Variants in CSMD3 observed in about 807,000 individuals in gnomAD.
CSMD3 encodes the protein CUB and Sushi multiple domains 3, also known as CUB and sushi domain-containing protein 3.
Under a neutral mutation model 435.2 loss-of-function variants are expected in CSMD3, and 177 were observed. The ratio of observed to expected loss-of-function variants is 0.41; its 90% CI spans 0.36 to 0.46. CSMD3 has a LOEUF of 0.46. CSMD3 is among the 20% of genes least tolerant of loss of function. CSMD3 has a pLI of 0.34. For missense variants in CSMD3, 4,265 were observed against 4,504.6 expected (o/e 0.95, Z 1.52); for synonymous variants, 1,656 against 1,520.5 (o/e 1.09, Z -2.07).
intron 13 of CSMD3, among the ~76,000 whole-genome samples, chr8:112,736,413 C>A (rs930424067): frequency 2.0e-5 from 3 of 151,972 alleles, no homozygotes; most frequent in African/African-American, 7.2e-5. Flanking sequence ...ACAATGGGTT[C>A]CTGTTCTGGT....
chr8:113,270,601 T>A (rs1225789189), intron 3 of CSMD3, among the ~76,000 whole-genome samples: 1 of 151,956 alleles, frequency 6.6e-6, no homozygotes, highest in Non-Finnish European at 1.5e-5. Flanking sequence ...ATAGACTGGA[T>A]TAAGAAAATG....
At chr8:112,609,379 A>T (rs1586799601) in intron 22 of CSMD3, among the ~76,000 whole-genome samples, 2 of 152,206 alleles carry the variant, frequency 1.3e-5, no homozygotes, top group Non-Finnish European at 2.9e-5. Flanking sequence ...GTCTCCAAAG[A>T]AGACATACAA....
At chr8:113,391,928 GCTTA>G (rs1028970211) in intron 1 of CSMD3, among the ~76,000 whole-genome samples, 2 of 151,968 alleles carry the variant, frequency 1.3e-5, no homozygotes, top group African/African-American at 4.8e-5. Context: ...CATGTAGTGT[GCTTA>G]CTAAGTGTGG....
intron 4 of CSMD3, among the ~76,000 whole-genome samples, chr8:113,168,511 C>G (rs1270480679): frequency 3.9e-5 from 2 of 51,662 alleles, no homozygotes; most frequent in Non-Finnish European, 6.6e-5. Context: ...CAGAGCAAGA[C>G]TCTGTCTCAA....
intron 9 of CSMD3, among the ~76,000 whole-genome samples, chr8:112,946,531 G>T (rs769188561): frequency 4.6e-5 from 7 of 151,270 alleles, no homozygotes; most frequent in Non-Finnish European, 8.9e-5. Flanking sequence ...TAAAATGTAG[G>T]GATAAAATAG....
chr8:113,371,774 C>A (rs1203859219), intron 1 of CSMD3, among the ~76,000 whole-genome samples: 2 of 151,996 alleles, frequency 1.3e-5, no homozygotes, highest in African/African-American at 4.8e-5. Flanking sequence ...CACTCAGATT[C>A]CTAAGAGATC....
At chr8:112,910,451 T>C (rs887423905) in intron 10 of CSMD3, among the ~76,000 whole-genome samples, 6 of 151,814 alleles carry the variant, frequency 4.0e-5, no homozygotes, top group African/African-American at 1.5e-4. Flanking sequence ...CCTTCTTCCA[T>C]TTCCCCCTAC....
chr8:112,588,215 T>G (rs535709742), intron 22 of CSMD3, among the ~76,000 whole-genome samples: 1 of 151,672 alleles, frequency 6.6e-6, no homozygotes, highest in Non-Finnish European at 1.5e-5. Flanking sequence ...GAAATAAGAT[T>G]TTAAAAATAA....
chr8:112,410,594 ATATATATGTGTATATATATATG>A (rs1487546979), intron 32 of CSMD3, among the ~76,000 whole-genome samples: 1 of 107,558 alleles, frequency 9.3e-6, no homozygotes, highest in East Asian at 2.4e-4. Context: ...ACATATGTAT[ATATATATGTGTATATATATATG>A]TATATATATG....
chr8:112,229,816 G>A (rs983001268), intron 69 of CSMD3, among the ~76,000 whole-genome samples: 15 of 151,840 alleles, frequency 9.9e-5, no homozygotes, highest in Non-Finnish European at 1.8e-4. Flanking sequence ...AGAACATAGC[G>A]GTAGTAGGAT....
At position 112,800,276 on chromosome 8, in the gene CSMD3, TAA is replaced by T; in HGVS notation, c.1860-4_1860-3del. Reference sequence around the variant, plus strand: ...TCTGGTACAAAGCTTCCAGTCAGCCTAAAAAGAGATGGACAAAGAAGGGAGAG... The same window carrying T: ...TCTGGTACAAAGCTTCCAGTCAGCCTAAAGAGATGGACAAAGAAGGGAGAG... On this transcript the variant is annotated splice_polypyrimidine_tract_variant and splice_region_variant and intron_variant, in intron 12 of 70. Coordinates refer to ENST00000297405, the MANE Select transcript of CSMD3 (RefSeq NM_198123.2). 6.3e-7 allele frequency: 1 copy of T among 1,591,414 alleles called. No homozygotes were observed. Among genetic ancestry groups the T allele is most frequent in the Non-Finnish European group, 8.6e-7 (1 of 1,159,678 alleles).
intron 10 of CSMD3, among the ~76,000 whole-genome samples, chr8:112,874,267 T>A (rs2081217495): frequency 3.3e-5 from 5 of 152,232 alleles, no homozygotes; most frequent in Admixed American, 3.3e-4. Context: ...CACTGTGGTA[T>A]GAGAGACTGT....
At position 112,247,087 on chromosome 8, in the gene CSMD3, G is replaced by A. The variant is rs755076078; in HGVS notation, c.10155C>T (p.Leu3385=). 1.2e-6 allele frequency: 2 copies of A among 1,613,704 alleles called. No homozygotes were observed. The highest frequency in any genetic ancestry group is 1.3e-5 in the African/African-American group (1 of 74,894). ...VQFHCKKGHL[L]QGSTTRTCLP... is the part of the protein sequence containing the mutation. Reference sequence around the variant, plus strand: ...GGCAGGTGCGTGTTGTAGACCCTTGGAGAAGGTGTCCTTTTTTGCAATGGA... The same window carrying A: ...GGCAGGTGCGTGTTGTAGACCCTTGAAGAAGGTGTCCTTTTTTGCAATGGA... The change falls in exon 64 of 71, where the codon CTC becomes CTT. Residue 3385 remains leucine, a synonymous_variant. Transcript: ENST00000297405.
intron 13 of CSMD3, among the ~76,000 whole-genome samples, chr8:112,797,416 A>T (rs1342292254): frequency 1.3e-5 from 2 of 151,968 alleles, no homozygotes; most frequent in Admixed American, 1.3e-4. Flanking sequence ...AGTTTCAAAA[A>T]CACTCTCTTA....
chr8:112,635,076 C>T (rs993250268), intron 22 of CSMD3, among the ~76,000 whole-genome samples: 10 of 151,870 alleles, frequency 6.6e-5, no homozygotes, highest in African/African-American at 1.9e-4. Flanking sequence ...ATAATGTTAG[C>T]GTTTTATAAA....
At chr8:113,327,172 A>G (rs2093989807) in intron 1 of CSMD3, among the ~76,000 whole-genome samples, 2 of 152,188 alleles carry the variant, frequency 1.3e-5, no homozygotes, top group Non-Finnish European at 2.9e-5. Context: ...TTAATTGGGC[A>G]GCTGACATCC....
intron 38 of CSMD3, among the ~76,000 whole-genome samples, chr8:112,376,701 T>C (rs1398106289): frequency 6.6e-6 from 1 of 152,200 alleles, no homozygotes; most frequent in African/African-American, 2.4e-5. Flanking sequence ...GGTATACTAA[T>C]GTTAATGATA....
At chr8:112,910,146 G>T (rs1055620133) in intron 10 of CSMD3, among the ~76,000 whole-genome samples, 11 of 151,748 alleles carry the variant, frequency 7.2e-5, no homozygotes, top group Admixed American at 2.0e-4. Context: ...ATCCTCCAGA[G>T]ACTTTGATTT....
intron 5 of CSMD3, among the ~76,000 whole-genome samples, chr8:113,021,483 A>T (rs1434132140): frequency 6.6e-6 from 1 of 152,224 alleles, no homozygotes; most frequent in Non-Finnish European, 1.5e-5. Context: ...GACAGGCTGC[A>T]CACATTTCCA....
Sources: gnomAD v4.1 joint callset for allele counts (sites outside exome capture counted in the v4.1 genomes callset) on GRCh38, gnomAD v4.1.1 for gene constraint, MANE v1.5 for transcripts, NCBI Gene and HGNC (gene_info 2026-07-23, HGNC 2026-07-21) for gene names.